The following LDLRAD3 variants were observed in gnomAD, a reference collection of about 807,000 sequenced individuals.
The protein encoded by LDLRAD3 is low density lipoprotein receptor class A domain containing 3.
In LDLRAD3, 20 loss-of-function variants were observed where a neutral mutation model predicts 29.4. The ratio of observed to expected loss-of-function variants is 0.68; its 90% CI spans 0.48 to 0.99. LDLRAD3 has a LOEUF of 0.99. LDLRAD3 is among the 50% of genes least tolerant of loss of function. The pLI is 0.00. For missense variants in LDLRAD3, 420 were observed against 454.3 expected (o/e 0.92, Z 0.69); for synonymous variants, 157 against 192.7 (o/e 0.81, Z 1.53).
intron 4 of LDLRAD3, among the ~76,000 whole-genome samples, chr11:36,132,056 A>AT (rs112706497): frequency 0.059 from 8,628 of 146,510 alleles, 566 homozygotes; most frequent in African/African-American, 0.17. Flanking sequence ...ATCAGCTGGG[A>AT]TTTTTTTTTT....
chr11:36,106,626 C>T (rs1396963024), intron 4 of LDLRAD3, among the ~76,000 whole-genome samples: 1 of 152,212 alleles, frequency 6.6e-6, no homozygotes, highest in African/African-American at 2.4e-5. Flanking sequence ...AACTCTGTGG[C>T]TTTTGTGTCC....
chr11:36,069,564 T>A (rs1852859384), intron 2 of LDLRAD3, among the ~76,000 whole-genome samples: 1 of 152,220 alleles, frequency 6.6e-6, no homozygotes, highest in Non-Finnish European at 1.5e-5. Context: ...TGATTAGCCC[T>A]TGTCATTCTC....
At chr11:36,145,049 T>C (rs868766354) in intron 4 of LDLRAD3, among the ~76,000 whole-genome samples, 171 of 56,808 alleles carry the variant, frequency 3.0e-3, no homozygotes, top group East Asian at 5.2e-3. Context: ...CCCGGCCGCC[T>C]CTACTGGGAA....
rs1855584488 is a variant in LDLRAD3, at chr11:36,232,104, T to C, written c.*2707T>C. 1 of 152,384 alleles carries C rather than the reference T, an allele frequency of 6.6e-6. No homozygotes were observed. Among genetic ancestry groups the C allele is most frequent in the African/African-American group, 2.4e-5 (1 of 41,588 alleles). 9.4% of individuals were successfully genotyped at this position (152,384 alleles called of 1,614,324 possible). A position where few individuals can be genotyped will look rare whatever the true frequency, so the allele number is the denominator to read the frequency against. On this transcript the variant is annotated 3_prime_UTR_variant, in exon 6 of 6. Transcript: ENST00000315571. ...AGGCTTGGTTTTGTTTTTTAATTTT[T>C]ATACTTTCTAATAAATTTGCAGTTT...
chr11:36,065,302 C>T (rs544349053), intron 2 of LDLRAD3, among the ~76,000 whole-genome samples: 2 of 152,124 alleles, frequency 1.3e-5, no homozygotes, highest in East Asian at 1.9e-4. Flanking sequence ...GTCTTAAATT[C>T]GATTTTGTCT....
chr11:36,094,557 A>T (rs1853330757), intron 3 of LDLRAD3, among the ~76,000 whole-genome samples: 1 of 151,966 alleles, frequency 6.6e-6, no homozygotes, highest in South Asian at 2.1e-4. Context: ...CTTTTTTGAG[A>T]CGGGGTCTCG....
At chr11:36,096,311 G>A (rs781380465) in intron 3 of LDLRAD3, among the ~76,000 whole-genome samples, 14 of 152,230 alleles carry the variant, frequency 9.2e-5, no homozygotes, top group Non-Finnish European at 2.1e-4. Flanking sequence ...AGCACAGGGA[G>A]TAGATTACAA....
chr11:36,068,440 G>T (rs559271380), intron 2 of LDLRAD3, among the ~76,000 whole-genome samples: 1 of 152,114 alleles, frequency 6.6e-6, no homozygotes, highest in African/African-American at 2.4e-5. Flanking sequence ...AGATGGGGAC[G>T]CTGAGGCTGA....
chr11:36,165,127 C>T (rs944794190), intron 4 of LDLRAD3, among the ~76,000 whole-genome samples: 6 of 152,250 alleles, frequency 3.9e-5, no homozygotes, highest in Non-Finnish European at 5.9e-5. Context: ...TTCTTGCAAC[C>T]GTGATACTTT....
chr11:36,200,756 A>G lies in LDLRAD3; in HGVS notation c.455-26329A>G, dbSNP rs549313959. Among the ~76,000 whole-genome samples, 126 of 152,374 alleles carry G rather than the reference A, an allele frequency of 8.3e-4. 1 individual carries two copies. The highest frequency in any genetic ancestry group is 3.0e-3 in the African/African-American group (125 of 41,594). ...TCTCAAAGTGGGGCCGATGGTGCTC[A>G]ACCCATGGGCTTGCAGTAAGTGTTC... On this transcript the variant is annotated intron_variant, in intron 4 of 5. Coordinates refer to ENST00000315571, the MANE Select transcript of LDLRAD3 (RefSeq NM_174902.4).
intron 4 of LDLRAD3, among the ~76,000 whole-genome samples, chr11:36,211,159 ACT>A (rs1855279083): frequency 6.6e-6 from 1 of 152,158 alleles, no homozygotes. Context: ...CAACTATGCA[ACT>A]CTGCCATTGT....
chr11:35,988,772 T>C (rs1590708443), intron 1 of LDLRAD3: 1 of 151,732 alleles, frequency 6.6e-6, no homozygotes, highest in Admixed American at 6.6e-5. Flanking sequence ...TTTAGTAGAG[T>C]TGGGGTTTCA....
At chr11:36,011,249 T>A (rs558743948) in intron 1 of LDLRAD3, among the ~76,000 whole-genome samples, 1 of 152,242 alleles carries the variant, frequency 6.6e-6, no homozygotes, top group African/African-American at 2.4e-5. Context: ...GTTTTTGATG[T>A]GCTCAAGTCT....
At chr11:36,099,035 A>G (rs1046641775) in intron 4 of LDLRAD3, among the ~76,000 whole-genome samples, 7 of 148,886 alleles carry the variant, frequency 4.7e-5, no homozygotes, top group Non-Finnish European at 4.5e-5. Flanking sequence ...TAGAATAACA[A>G]CCTCCCCAAA....
chr11:36,135,996 T>G (rs1853998622), intron 4 of LDLRAD3, among the ~76,000 whole-genome samples: 1 of 152,244 alleles, frequency 6.6e-6, no homozygotes, highest in African/African-American at 2.4e-5. Flanking sequence ...GAATTATTTC[T>G]TGGAGTTACA....
In LDLRAD3 at chr11:36,215,029, C is replaced by G. The variant is rs949846409; in HGVS notation, c.455-12056C>G. 2.6e-5 allele frequency among the ~76,000 whole-genome samples: 4 copies of G among 151,712 alleles called. No individual in the cohort carries two copies. In the East Asian group the frequency reaches 5.8e-4, roughly 22 times the overall value. ...GCAGTAACAGTGCTGTGAAGGTAGA[C>G]GAGGTGGGTGGGGGGATGGAGAGTG... On this transcript the variant is annotated intron_variant, in intron 4 of 5. Coordinates refer to ENST00000315571, the MANE Select transcript of LDLRAD3 (RefSeq NM_174902.4).
intron 4 of LDLRAD3, among the ~76,000 whole-genome samples, chr11:36,181,556 C>G (rs1369490913): frequency 6.6e-6 from 1 of 152,190 alleles, no homozygotes; most frequent in Non-Finnish European, 1.5e-5. Flanking sequence ...TCCCTGGGAA[C>G]AAGCACCCTA....
intron 4 of LDLRAD3, among the ~76,000 whole-genome samples, chr11:36,149,805 G>T (rs1350156923): frequency 2.0e-5 from 3 of 152,144 alleles, no homozygotes; most frequent in African/African-American, 4.8e-5. Flanking sequence ...TTGCTGACTT[G>T]GGGCCCCATT....
chr11:35,964,373 G>C (rs2133139008), intron 1 of LDLRAD3, among the ~76,000 whole-genome samples: 1 of 152,330 alleles, frequency 6.6e-6, no homozygotes, highest in South Asian at 2.1e-4. Flanking sequence ...ACTTGGGTGA[G>C]AGCGAGGTTG....
Sources: gnomAD v4.1 joint callset for allele counts (sites outside exome capture counted in the v4.1 genomes callset) on GRCh38, gnomAD v4.1.1 for gene constraint, MANE v1.5 for transcripts, NCBI Gene and HGNC (gene_info 2026-07-23, HGNC 2026-07-21) for gene names.